The following CREB1 variants were observed in gnomAD, a reference collection of about 807,000 sequenced individuals.
CREB1 encodes the protein cAMP responsive element binding protein 1.
A neutral mutation model predicts 42.0 loss-of-function variants in CREB1; 2 were observed. The observed-to-expected ratio is 0.05, with a 90% CI of 0.02 to 0.15. CREB1 has a LOEUF of 0.15. CREB1 is among the 10% of genes least tolerant of loss of function. The pLI is 1.00. For missense variants in CREB1, 199 were observed against 388.9 expected, an observed-to-expected ratio of 0.51 and a Z score of 4.11; for synonymous variants, 123 against 139.9, an observed-to-expected ratio of 0.88 and a Z score of 0.85.
chr2:207,559,268 A>G, intron 2 of CREB1: 2 of 975,522 alleles, frequency 2.1e-6, no homozygotes, highest in Non-Finnish European at 2.4e-6. Context: ...AAGTAATAAT[A>G]ACAAGTCTAA....
chr2:207,574,896 A>C (rs2082514349), intron 5 of CREB1, among the ~76,000 whole-genome samples: 1 of 152,242 alleles, frequency 6.6e-6, no homozygotes, highest in Non-Finnish European at 1.5e-5. Context: ...CCTACTCTCC[A>C]GAAATTTATT....
intron 6 of CREB1, among the ~76,000 whole-genome samples, chr2:207,575,938 C>A (rs955435836): frequency 6.7e-5 from 3 of 45,110 alleles, no homozygotes; most frequent in African/African-American, 1.1e-4. Flanking sequence ...TCTGCTTCCC[C>A]CCCCCCCCCC....
At chr2:207,540,659 G>A (rs901297344) in intron 1 of CREB1, among the ~76,000 whole-genome samples, 1 of 7,270 alleles carries the variant, frequency 1.4e-4, no homozygotes, top group African/African-American at 4.7e-4. Context: ...TAACAAAAAA[G>A]TTTAAAAAGT....
intron 5 of CREB1, 127 bp from the exon 6 acceptor site, chr2:207,575,145 C>A: frequency 1.1e-6 from 1 of 942,810 alleles, no homozygotes; most frequent in Non-Finnish European, 1.6e-6. Context: ...ATATTAGACC[C>A]TTCTTGGTGA....
At chr2:207,582,539 T>C (rs540303984) in intron 7 of CREB1, among the ~76,000 whole-genome samples, 2 of 152,360 alleles carry the variant, frequency 1.3e-5, no homozygotes, top group African/African-American at 4.8e-5. Context: ...CTTTTATAAG[T>C]GTCTTCTGTG....
intron 4 of CREB1, chr2:207,567,767 T>TC: frequency 2.8e-6 from 1 of 352,172 alleles, no homozygotes; most frequent in East Asian, 4.4e-5. Context: ...GTCCTAATTT[T>TC]TTTTTTTTCT....
chr2:207,552,606 CTTTT>C (rs1186619713), intron 1 of CREB1, among the ~76,000 whole-genome samples: 1 of 136,632 alleles, frequency 7.3e-6, no homozygotes, highest in Non-Finnish European at 1.6e-5. Flanking sequence ...TTGTGAATGT[CTTTT>C]TTTTTTTTTT....
At chr2:207,554,869 G>A (rs2081652569) in intron 1 of CREB1, among the ~76,000 whole-genome samples, 1 of 152,124 alleles carries the variant, frequency 6.6e-6, no homozygotes, top group Non-Finnish European at 1.5e-5. Context: ...TGGCTCTGTG[G>A]CCATTTATTC....
intron 1 of CREB1, among the ~76,000 whole-genome samples, chr2:207,552,545 CTTTA>C (rs2081551195): frequency 6.7e-6 from 1 of 149,972 alleles, no homozygotes; most frequent in Admixed American, 6.7e-5. Context: ...TTGTATTTAT[CTTTA>C]TTCTAGATAA....
chr2:207,572,954 T>G (rs867877973), intron 5 of CREB1, among the ~76,000 whole-genome samples: 20 of 152,254 alleles, frequency 1.3e-4, no homozygotes, highest in Admixed American at 7.2e-4. Flanking sequence ...TATCTGTTAC[T>G]TATTAGTTCA....
chr2:207,534,959 G>A (rs936418102), intron 1 of CREB1, among the ~76,000 whole-genome samples: 1 of 152,084 alleles, frequency 6.6e-6, no homozygotes, highest in Non-Finnish European at 1.5e-5. Flanking sequence ...ATATGGCTTA[G>A]CAATTTTGTA....
At chr2:207,584,690 C>T (rs2083508082) in intron 7 of CREB1, among the ~76,000 whole-genome samples, 1 of 152,236 alleles carries the variant, frequency 6.6e-6, no homozygotes, top group South Asian at 2.1e-4. Context: ...GTGTGAGCTA[C>T]TGTGCCCAGC....
At chr2:207,551,723 C>T (rs527335869) in intron 1 of CREB1, among the ~76,000 whole-genome samples, 2 of 152,062 alleles carry the variant, frequency 1.3e-5, no homozygotes, top group East Asian at 1.9e-4. Context: ...GGTCTCAGCT[C>T]CTAGGATCAG....
At chr2:207,544,725 CCT>C (rs1021199248) in intron 1 of CREB1, among the ~76,000 whole-genome samples, 6 of 152,248 alleles carry the variant, frequency 3.9e-5, no homozygotes, top group Admixed American at 2.6e-4. Context: ...CACCCCCAAC[CCT>C]CTGACAGGCC....
intron 6 of CREB1, 147 bp from the exon 7 acceptor site, chr2:207,577,358 T>C: frequency 8.6e-7 from 1 of 1,168,332 alleles, no homozygotes; most frequent in Non-Finnish European, 1.2e-6. Flanking sequence ...CGAAGAGTGC[T>C]GATTCTTTCA....
rs116076718 is a variant in CREB1 at position 207,600,925 on chromosome 2, T to C, written c.*3867T>C. 0.011 allele frequency: 2,272 copies of C among 199,344 alleles called. 48 individuals carry two copies. The highest frequency in any genetic ancestry group is 0.048 in the African/African-American group (2,111 of 43,548). 12.3% of individuals were successfully genotyped at this position (199,344 alleles called of 1,614,324 possible). On this transcript the variant is annotated 3_prime_UTR_variant, in exon 8 of 8. Transcript: ENST00000353267. ...TTGAAGTGACTTCAATCTAGATTTCTTTTAATATTTAACAAATTTTTAATT... is the reference window on the plus strand; with the variant it reads ...TTGAAGTGACTTCAATCTAGATTTCCTTTAATATTTAACAAATTTTTAATT...
chr2:207,597,221 A>ATGAT lies in CREB1; in HGVS notation c.*163_*164insTGAT. 1.4e-6 allele frequency: 1 copy of ATGAT among 728,896 alleles called. No individual in the cohort carries two copies. Among genetic ancestry groups the ATGAT allele is most frequent in the Non-Finnish European group, 2.1e-6 (1 of 484,862 alleles). The allele number at this position is 728,896 out of a possible 1,614,324, so 45.2% of individuals were successfully genotyped here. ...TTCATTCATTTGTGCTTTTGCATTA[A>ATGAT]ACTGTGAATGTTCCAACACCTGCCT... On this transcript the variant is annotated 3_prime_UTR_variant, in exon 8 of 8. Transcript: ENST00000353267.
chr2:207,555,584 A>C, intron 1 of CREB1, 44 bp from the exon 2 acceptor site: 2 of 1,276,314 alleles, frequency 1.6e-6, no homozygotes, highest in Non-Finnish European at 2.2e-6. Context: ...TCACGAAAGC[A>C]CAAAGCACTG....
Position 207,576,759 on chromosome 2 carries a change from A to G in CREB1, c.689-746A>G, listed in dbSNP as rs912592276. The G allele has an allele frequency of 8.4e-6, 9 of 1,069,384 alleles. No homozygotes were observed. The African/African-American group carries it at 1.5e-4, about 18-fold the overall frequency. The allele number at this position is 1,069,384 out of a possible 1,614,324, so 66.2% of individuals were successfully genotyped here. ...ACATTTTAATTGATATTAATAATTA[A>G]TATGAATAATTTTATAAAGACCTTC... On this transcript the variant is annotated intron_variant, in intron 6 of 7. Transcript: ENST00000353267.
Sources: allele counts gnomAD v4.1 joint callset (sites outside exome capture counted in the v4.1 genomes callset), GRCh38; gene constraint gnomAD v4.1.1; transcripts MANE v1.5; gene names NCBI Gene and HGNC (gene_info 2026-07-23, HGNC 2026-07-21).